The following ASIC2 variants were observed in gnomAD, a reference collection of about 807,000 sequenced individuals.
The protein encoded by ASIC2 is acid-sensing ion channel 2.
Under a neutral mutation model 57.3 loss-of-function variants are expected in ASIC2, and 25 were observed. The ratio of observed to expected loss-of-function variants is 0.44; its 90% CI spans 0.32 to 0.61. The LOEUF is 0.61. Ranked by LOEUF, ASIC2 falls within the 20% of genes least tolerant of loss-of-function variation. ASIC2 has a pLI of 0.06. For synonymous variants in ASIC2, 319 were observed against 307.5 expected (o/e 1.04, Z -0.39); for missense variants, 641 against 738.1 (o/e 0.87, Z 1.52).
chr17:33,661,612 T>A (rs1474222473), intron 1 of ASIC2, among the ~76,000 whole-genome samples: 1 of 152,162 alleles, frequency 6.6e-6, no homozygotes, highest in East Asian at 1.9e-4. Context: ...GGAGAGTAGT[T>A]GGGAAATGAT....
intron 1 of ASIC2, among the ~76,000 whole-genome samples, chr17:33,417,121 C>T (rs973620525): frequency 3.3e-5 from 5 of 152,322 alleles, no homozygotes; most frequent in Non-Finnish European, 7.3e-5. Flanking sequence ...CTGCTGCAGA[C>T]AGGCCTCGAA....
At chr17:33,062,073 T>G (rs2092022996) in intron 3 of ASIC2, among the ~76,000 whole-genome samples, 1 of 152,246 alleles carries the variant, frequency 6.6e-6, no homozygotes. Context: ...TTAGTCTTGC[T>G]AGCAGTCTAC....
intron 1 of ASIC2, among the ~76,000 whole-genome samples, chr17:33,895,001 G>C (rs1177351316): frequency 6.6e-6 from 1 of 152,102 alleles, no homozygotes; most frequent in Non-Finnish European, 1.5e-5. Context: ...GCCCATATTG[G>C]GAAATTTCAG....
At position 33,118,830 on chromosome 17, in the gene ASIC2, T is replaced by G. The variant is rs1028956446; in HGVS notation, c.709-6763A>C. Among the ~76,000 whole-genome samples the G allele has an allele frequency of 2.6e-5, 4 of 152,196 alleles. No homozygotes were observed. In the East Asian group the frequency reaches 5.8e-4, roughly 22 times the overall value. ...TGCACATGCCAGGGCTTGGAAATAATGGCTAGGATCCTTTTCCTGGAGCAT... is the reference window on the plus strand; with the variant it reads ...TGCACATGCCAGGGCTTGGAAATAAGGGCTAGGATCCTTTTCCTGGAGCAT... On this transcript the variant is annotated intron_variant, in intron 1 of 9. Transcript: ENST00000225823.
At position 33,298,750 on chromosome 17, in the gene ASIC2, C is replaced by G. The variant is rs556351730; in HGVS notation, c.556-186683G>C. Among the ~76,000 whole-genome samples the G allele has an allele frequency of 7.2e-5, 11 of 152,326 alleles. No individual in the cohort carries two copies. The South Asian group carries it at 2.3e-3, about 32-fold the overall frequency. On this transcript the variant is annotated intron_variant, in intron 1 of 9. Transcript: ENST00000359872. ...GTGTTCCTATTTCTCCACATCCTCT[C>G]CAGCACCTGTTGTTTCCTGAGTTTC...
chr17:33,354,820 A>G (rs923173354), intron 1 of ASIC2, among the ~76,000 whole-genome samples: 1 of 152,128 alleles, frequency 6.6e-6, no homozygotes, highest in African/African-American at 2.4e-5. Flanking sequence ...ACTTGAAGGC[A>G]GAGCTCGTGT....
intron 1 of ASIC2, among the ~76,000 whole-genome samples, chr17:34,068,231 G>A (rs1243812548): frequency 1.3e-5 from 2 of 152,116 alleles, no homozygotes; most frequent in African/African-American, 4.8e-5. Context: ...AATGTATGAT[G>A]GAAGGAAGAA....
intron 1 of ASIC2, among the ~76,000 whole-genome samples, chr17:33,917,890 GCACACACACA>G (rs71364627): frequency 7.5e-6 from 1 of 132,508 alleles, no homozygotes; most frequent in African/African-American, 2.9e-5. Flanking sequence ...ACGTGCATGT[GCACACACACA>G]CACACACACA....
chr17:33,946,685 G>C (rs1904384859), intron 1 of ASIC2, among the ~76,000 whole-genome samples: 1 of 152,188 alleles, frequency 6.6e-6, no homozygotes. Context: ...GTCCTATTCA[G>C]AGTCTAAACC....
At position 33,613,007 on chromosome 17, in the gene ASIC2, G is replaced by A. The variant is rs139348287; in HGVS notation, c.556-500940C>T. The stretch of plus-strand genomic sequence containing the variant: ...GACAATGCAGGCAGGAGCAGGAGGA[G>A]CTAGTGCAGACATTTCTGGTGCTTG... On this transcript the variant is annotated intron_variant, in intron 1 of 9. Transcript: ENST00000359872. Among the ~76,000 whole-genome samples the A allele has an allele frequency of 7.2e-3, 1,103 of 152,316 alleles. 18 individuals are homozygous for A. Among genetic ancestry groups the A allele is most frequent in the African/African-American group, 0.024 (1,007 of 41,566 alleles).
chr17:33,195,352 C>T (rs953294160), intron 1 of ASIC2, among the ~76,000 whole-genome samples: 1 of 152,058 alleles, frequency 6.6e-6, no homozygotes, highest in Non-Finnish European at 1.5e-5. Flanking sequence ...GTCCTCTACC[C>T]GCTTTACACC....
intron 9 of ASIC2, among the ~76,000 whole-genome samples, chr17:33,014,576 T>G (rs944645681): frequency 1.3e-5 from 2 of 151,836 alleles, no homozygotes; most frequent in Non-Finnish European, 2.9e-5. Flanking sequence ...CCCAGGGCAA[T>G]GTAGTTGTGG....
intron 1 of ASIC2, chr17:33,569,565 A>C (rs1916361378): frequency 6.6e-6 from 1 of 152,186 alleles, no homozygotes; most frequent in African/African-American, 2.4e-5. Context: ...TAGAAGACTT[A>C]ATTGACTTCT....
chr17:33,836,116 CTTTTT>C (rs747425378), intron 1 of ASIC2, among the ~76,000 whole-genome samples: 2 of 116,378 alleles, frequency 1.7e-5, no homozygotes, highest in Non-Finnish European at 3.4e-5. Flanking sequence ...CCTCATACAG[CTTTTT>C]TTTTTTTTTT....
chr17:33,060,725 C>A (rs967425988), intron 3 of ASIC2, among the ~76,000 whole-genome samples: 5 of 151,942 alleles, frequency 3.3e-5, no homozygotes, highest in African/African-American at 7.3e-5. Context: ...GATGGGGGTG[C>A]CATTGAATCT....
chr17:33,945,250 G>T (rs1454634241), intron 1 of ASIC2, among the ~76,000 whole-genome samples: 1 of 152,066 alleles, frequency 6.6e-6, no homozygotes, highest in African/African-American at 2.4e-5. Context: ...GTCTGCCAGA[G>T]GAGTGACATG....
At chr17:33,230,521 A>G (rs1175435714) in intron 1 of ASIC2, among the ~76,000 whole-genome samples, 1 of 152,300 alleles carries the variant, frequency 6.6e-6, no homozygotes, top group East Asian at 1.9e-4. Flanking sequence ...AGGGTTGTGG[A>G]CTGAGGGGGC....
chr17:33,241,773 G>A lies in ASIC2; in HGVS notation c.708+49635C>T, dbSNP rs1274124419. Among the ~76,000 whole-genome samples, 7 of 152,236 alleles carry A rather than the reference G, an allele frequency of 4.6e-5. No homozygotes were observed. The East Asian group carries it at 1.2e-3, about 25-fold the overall frequency. ...TGCCTCTGCCAGTGGAGATATCTAA[G>A]GAATGCATGGCCCCTGTCCTCCTGG... is the stretch of plus-strand genomic sequence containing the variant. On this transcript the variant is annotated intron_variant, in intron 1 of 9. Coordinates refer to ENST00000225823, the MANE Select transcript of ASIC2 (RefSeq NM_183377.2).
chr17:33,473,882 C>A (rs556827502), intron 1 of ASIC2, among the ~76,000 whole-genome samples: 2 of 152,036 alleles, frequency 1.3e-5, no homozygotes, highest in South Asian at 2.1e-4. Flanking sequence ...CATGAGGGCA[C>A]CCCCTTCACC....
Sources: gnomAD v4.1 joint callset for allele counts (sites outside exome capture counted in the v4.1 genomes callset) on GRCh38, gnomAD v4.1.1 for gene constraint, MANE v1.5 for transcripts, NCBI Gene and HGNC (gene_info 2026-07-23, HGNC 2026-07-21) for gene names.